Variants in PHB1 observed in about 807,000 individuals in gnomAD.
The protein encoded by PHB1 is epididymis luminal protein 215.
the PHB1 span, among the ~76,000 whole-genome samples, chr17:49,407,704 C>G: frequency 1.3e-5 from 2 of 152,140 alleles, no homozygotes; most frequent in Admixed American, 1.3e-4. Context: ...GTTTCATTTC[C>G]TCCACTCTCC....
At chr17:49,408,866 AC>A in the PHB1 span, 7 of 581,030 alleles carry the variant, frequency 1.2e-5, no homozygotes, top group East Asian at 2.0e-4. Flanking sequence ...AGGTAAAAGA[AC>A]CCTCAACTGA....
the PHB1 span, chr17:49,413,009 GCT>G: frequency 1.7e-6 from 1 of 583,684 alleles, no homozygotes; most frequent in South Asian, 2.0e-5. Flanking sequence ...AAGGTCAGGG[GCT>G]CTGATAACAA....
At chr17:49,409,184 G>C in the PHB1 span, 3 of 1,587,630 alleles carry the variant, frequency 1.9e-6, no homozygotes, top group Non-Finnish European at 2.6e-6. Context: ...GGAGCAGAAG[G>C]GCAGGTCAGG....
chr17:49,404,767 T>C, the PHB1 span: 2 of 563,956 alleles, frequency 3.5e-6, no homozygotes, highest in Admixed American at 6.1e-5. Context: ...TGGCAATTTT[T>C]GGTAGGGAGG....
chr17:49,411,097 C>T, the PHB1 span, among the ~76,000 whole-genome samples: 3 of 152,084 alleles, frequency 2.0e-5, no homozygotes, highest in East Asian at 1.9e-4. Flanking sequence ...TCTCTGGAAG[C>T]TCCTATCAAT....
At chr17:49,406,383 C>T in the PHB1 span, among the ~76,000 whole-genome samples, 3 of 152,158 alleles carry the variant, frequency 2.0e-5, no homozygotes, top group Non-Finnish European at 4.4e-5. Context: ...AATCTAGTGA[C>T]GAAAGCACAT....
At chr17:49,412,597 T>C in the PHB1 span, 1 of 152,702 alleles carries the variant, frequency 6.5e-6, no homozygotes, top group African/African-American at 2.4e-5. Flanking sequence ...AAGGAGGTCC[T>C]ACAGATAAAG....
the PHB1 span, chr17:49,413,432 C>T: frequency 6.8e-6 from 4 of 583,972 alleles, no homozygotes; most frequent in East Asian, 5.9e-5. Flanking sequence ...TTGAAGGATA[C>T]CTAATAAATA....
At chr17:49,409,132 G>A in the PHB1 span, 3 of 1,614,010 alleles carry the variant, frequency 1.9e-6, no homozygotes, top group Non-Finnish European at 2.5e-6. Context: ...CTCTCTGGGT[G>A]ATTAGTTCTC....
chr17:49,405,343 CGGGGGAAGCG>C, the PHB1 span: 177 of 665,838 alleles, frequency 2.7e-4, 1 homozygote, highest in South Asian at 1.4e-3. Context: ...TGATGGCTAG[CGGGGGAAGCG>C]GGGGGAAGCA....
the PHB1 span, among the ~76,000 whole-genome samples, chr17:49,413,512 C>CTT: frequency 5.6e-5 from 7 of 124,782 alleles, no homozygotes; most frequent in Admixed American, 8.0e-5. Flanking sequence ...CTTTTCTTTC[C>CTT]TTTTTTTTTT....
At chr17:49,406,913 G>T in the PHB1 span, 2 of 1,264,494 alleles carry the variant, frequency 1.6e-6, no homozygotes, top group Non-Finnish European at 2.3e-6. Flanking sequence ...AGCACTGCTG[G>T]GAGGGCTCCA....
At chr17:49,407,201 C>T in the PHB1 span, 4 of 242,290 alleles carry the variant, frequency 1.7e-5, no homozygotes, top group African/African-American at 6.6e-5. Context: ...CTAAGACCCC[C>T]GCCACTGACT....
At chr17:49,409,543 G>GTTTTTT in the PHB1 span, 3 of 837,998 alleles carry the variant, frequency 3.6e-6, no homozygotes, top group African/African-American at 4.1e-5. Flanking sequence ...TTTTTTTTTT[G>GTTTTTT]TTTTTTTTTT....
At chr17:49,411,711 G>A in the PHB1 span, 3 of 1,614,010 alleles carry the variant, frequency 1.9e-6, no homozygotes, top group South Asian at 3.3e-5. Context: ...ACATTACGTG[G>A]TCGAGAACGG....
chr17:49,409,383 T>C, the PHB1 span: 3 of 1,614,170 alleles, frequency 1.9e-6, no homozygotes, highest in Non-Finnish European at 2.5e-6. Context: ...ACGCTCATCA[T>C]AGTCCTCTCC....
the PHB1 span, among the ~76,000 whole-genome samples, chr17:49,408,475 T>C: frequency 6.6e-6 from 1 of 152,200 alleles, no homozygotes; most frequent in African/African-American, 2.4e-5. Flanking sequence ...TCCAATGTCA[T>C]ATAAACACAC....
the PHB1 span, among the ~76,000 whole-genome samples, chr17:49,410,227 C>T: frequency 2.6e-5 from 4 of 152,200 alleles, no homozygotes; most frequent in Admixed American, 6.5e-5. Context: ...CTATGTGGCC[C>T]AGGCTAGACT....
the PHB1 span, chr17:49,413,201 C>T: frequency 9.3e-6 from 15 of 1,612,632 alleles, no homozygotes; most frequent in East Asian, 4.5e-5. Context: ...GAGTTCACCA[C>T]GCCTCCTGCA....
Sources: allele counts gnomAD v4.1 joint callset (sites outside exome capture counted in the v4.1 genomes callset), GRCh38; gene constraint gnomAD v4.1.1; transcripts MANE v1.5; gene names NCBI Gene and HGNC (gene_info 2026-07-23, HGNC 2026-07-21).